The following DLG2 variants were observed in gnomAD, a reference collection of about 807,000 sequenced individuals.
DLG2 encodes disks large homolog 2.
Under a neutral mutation model 132.5 loss-of-function variants are expected in DLG2, and 45 were observed. The ratio of observed to expected loss-of-function variants is 0.34; its 90% CI spans 0.27 to 0.44. The LOEUF (loss-of-function observed/expected upper bound fraction) is 0.44. Ranked by LOEUF, DLG2 falls within the 20% of genes least tolerant of loss-of-function variation. The pLI is 1.00. For synonymous variants in DLG2, 424 were observed against 419.6 expected (o/e 1.01, Z -0.13); for missense variants, 1,045 against 1,196.9 (o/e 0.87, Z 1.87).
At chr11:84,544,905 T>C (rs2099386614) in intron 6 of DLG2, among the ~76,000 whole-genome samples, 1 of 152,236 alleles carries the variant, frequency 6.6e-6, no homozygotes. Flanking sequence ...GGTGGAATGC[T>C]CTTCACTTCC....
intron 6 of DLG2, among the ~76,000 whole-genome samples, chr11:85,078,813 C>T (rs1183860764): frequency 6.6e-6 from 1 of 152,026 alleles, no homozygotes; most frequent in Non-Finnish European, 1.5e-5. Flanking sequence ...TATTGTTAAC[C>T]TAGCCAAGAG....
At chr11:85,270,647 A>G (rs1174744527) in intron 4 of DLG2, among the ~76,000 whole-genome samples, 1 of 152,202 alleles carries the variant, frequency 6.6e-6, no homozygotes, top group Non-Finnish European at 1.5e-5. Flanking sequence ...AATGCTCAAG[A>G]TGATATGAAC....
At chr11:83,580,846 T>A (rs1222568116) in intron 19 of DLG2, among the ~76,000 whole-genome samples, 1 of 73,218 alleles carries the variant, frequency 1.4e-5, no homozygotes, top group Non-Finnish European at 2.5e-5. Context: ...TCCCCCATTC[T>A]CCCCTTCCCC....
chr11:83,655,087 C>T (rs1346764551), intron 18 of DLG2, among the ~76,000 whole-genome samples: 1 of 152,186 alleles, frequency 6.6e-6, no homozygotes, highest in South Asian at 2.1e-4. Flanking sequence ...ACACATCCAT[C>T]CAGTGCTTTT....
At chr11:85,353,124 C>T (rs1163303621) in intron 3 of DLG2, among the ~76,000 whole-genome samples, 2 of 152,136 alleles carry the variant, frequency 1.3e-5, no homozygotes, top group Non-Finnish European at 2.9e-5. Context: ...CTACAAGGAA[C>T]TTAAACAAAT....
At chr11:85,121,833 T>C (rs2074356755) in intron 5 of DLG2, among the ~76,000 whole-genome samples, 1 of 152,204 alleles carries the variant, frequency 6.6e-6, no homozygotes, top group African/African-American at 2.4e-5. Flanking sequence ...ATGCACATTA[T>C]ATATACACAT....
intron 6 of DLG2, among the ~76,000 whole-genome samples, chr11:84,929,823 G>T (rs1336177979): frequency 6.6e-6 from 1 of 152,086 alleles, no homozygotes; most frequent in Non-Finnish European, 1.5e-5. Context: ...AAAGAGGGTA[G>T]TACTGGCCTT....
chr11:84,152,462 C>T (rs2095323454), intron 9 of DLG2, among the ~76,000 whole-genome samples: 1 of 151,568 alleles, frequency 6.6e-6, no homozygotes, highest in Non-Finnish European at 1.5e-5. Flanking sequence ...TCTCGGCTCA[C>T]TGCAAGCTCC....
chr11:84,070,205 A>C (rs1344046852), intron 10 of DLG2, among the ~76,000 whole-genome samples: 1 of 152,216 alleles, frequency 6.6e-6, no homozygotes, highest in Non-Finnish European at 1.5e-5. Flanking sequence ...ATAAGAAAAA[A>C]TTAGCATCAT....
chr11:84,602,390 G>A (rs1401917170), intron 6 of DLG2, among the ~76,000 whole-genome samples: 3 of 151,330 alleles, frequency 2.0e-5, no homozygotes, highest in African/African-American at 4.8e-5. Flanking sequence ...GTAACAGAAA[G>A]ACATAAAGTA....
intron 3 of DLG2, among the ~76,000 whole-genome samples, chr11:85,588,444 T>C (rs1436083316): frequency 6.6e-6 from 1 of 152,182 alleles, no homozygotes; most frequent in African/African-American, 2.4e-5. Context: ...CTGACATTCT[T>C]TTTCCTACTC....
chr11:84,225,992 G>A (rs991706675), intron 8 of DLG2, among the ~76,000 whole-genome samples: 1 of 152,066 alleles, frequency 6.6e-6, no homozygotes, highest in African/African-American at 2.4e-5. Flanking sequence ...TGTATTTTTA[G>A]TAGAGACGGA....
At chr11:84,473,167 A>C (rs986576357) in intron 7 of DLG2, among the ~76,000 whole-genome samples, 1 of 151,988 alleles carries the variant, frequency 6.6e-6, no homozygotes, top group Non-Finnish European at 1.5e-5. Context: ...CTGACTCCTG[A>C]TTCAATGCTT....
intron 10 of DLG2, among the ~76,000 whole-genome samples, chr11:84,076,294 C>A: frequency 6.6e-6 from 1 of 152,178 alleles, no homozygotes; most frequent in East Asian, 1.9e-4. Flanking sequence ...GGAGATCAGA[C>A]AGAAAGCCAA....
intron 18 of DLG2, among the ~76,000 whole-genome samples, chr11:83,753,813 T>TATATCATATATATG (rs1259555082): frequency 1.7e-5 from 1 of 60,052 alleles, no homozygotes; most frequent in African/African-American, 1.1e-4. Flanking sequence ...ATATATATCA[T>TATATCATATATATG]ATATATATTT....
chr11:83,605,007 C>CAGAGGGAGAGAGAGAGAGAG (rs2059120528), intron 19 of DLG2, among the ~76,000 whole-genome samples: 1 of 129,834 alleles, frequency 7.7e-6, no homozygotes, highest in Non-Finnish European at 1.7e-5. Flanking sequence ...TTTTCAAAGA[C>CAGAGGGAGAGAGAGAGAGAG]AGAGAGAGAG....
chr11:83,798,748 G>T (rs2043512594), intron 17 of DLG2, among the ~76,000 whole-genome samples: 1 of 152,168 alleles, frequency 6.6e-6, no homozygotes, highest in South Asian at 2.1e-4. Context: ...TATTCAGAGA[G>T]ACCATGGATA....
intron 3 of DLG2, among the ~76,000 whole-genome samples, chr11:85,510,590 G>A (rs1238834308): frequency 6.6e-6 from 1 of 151,886 alleles, no homozygotes; most frequent in Non-Finnish European, 1.5e-5. Flanking sequence ...CTCAAAAGAA[G>A]ACATTTATGC....
At chr11:84,878,920 A>G (rs2086844369) in intron 6 of DLG2, among the ~76,000 whole-genome samples, 1 of 152,212 alleles carries the variant, frequency 6.6e-6, no homozygotes, top group Admixed American at 6.5e-5. Flanking sequence ...AGCAAGGACT[A>G]GAATTCCTGT....
Sources: gnomAD v4.1 joint callset for allele counts (sites outside exome capture counted in the v4.1 genomes callset) on GRCh38, gnomAD v4.1.1 for gene constraint, MANE v1.5 for transcripts, NCBI Gene and HGNC (gene_info 2026-07-23, HGNC 2026-07-21) for gene names.